The following FRAS1 variants were observed in gnomAD, a reference collection of about 807,000 sequenced individuals.
FRAS1 encodes the protein Fraser extracellular matrix complex subunit 1.
Under a neutral mutation model 435.2 loss-of-function variants are expected in FRAS1, and 290 were observed. That is an observed-to-expected ratio of 0.67 (90% CI 0.61 to 0.73). FRAS1 has a LOEUF of 0.73. Ranked by LOEUF, FRAS1 falls within the 30% of genes least tolerant of loss-of-function variation. The pLI, the probability that FRAS1 is intolerant of heterozygous loss-of-function variation, is 0.00. For missense variants in FRAS1, 4,860 were observed against 5,001.5 expected (o/e 0.97, Z 0.85); for synonymous variants, 1,800 against 1,851.0 (o/e 0.97, Z 0.71).
intron 2 of FRAS1, among the ~76,000 whole-genome samples, chr4:78,198,753 C>G (rs910652920): frequency 6.6e-6 from 1 of 152,120 alleles, no homozygotes; most frequent in Non-Finnish European, 1.5e-5. Context: ...ACTTCCTCAC[C>G]TATTCAACAT....
chr4:78,223,576 T>C (rs1358282892), intron 2 of FRAS1, among the ~76,000 whole-genome samples: 1 of 152,174 alleles, frequency 6.6e-6, no homozygotes, highest in African/African-American at 2.4e-5. Flanking sequence ...GTAGATTATG[T>C]TGGCTTAGTA....
In FRAS1 at chr4:78,373,616, A is replaced by G. The variant is rs182914185; in HGVS notation, c.3011-495A>G. ...AACATGGAGAAACCCCATCTCTACT[A>G]AAAATACAAAATTAGCCGAGCATGG... On this transcript the variant is annotated intron_variant, in intron 24 of 73. Coordinates refer to ENST00000512123, the MANE Select transcript of FRAS1 (RefSeq NM_025074.7). Among the ~76,000 whole-genome samples, 716 of 151,840 alleles carry G rather than the reference A, an allele frequency of 4.7e-3. 7 individuals carry two copies. Among genetic ancestry groups the G allele is most frequent in the African/African-American group, 0.016 (658 of 41,382 alleles).
At chr4:78,266,259 C>A (rs1450934353) in intron 7 of FRAS1, among the ~76,000 whole-genome samples, 1 of 152,192 alleles carries the variant, frequency 6.6e-6, no homozygotes, top group African/African-American at 2.4e-5. Context: ...CATCTTGTCC[C>A]CTCCCATCCC....
intron 32 of FRAS1, among the ~76,000 whole-genome samples, chr4:78,418,002 TCCCCAAC>T (rs1733618902): frequency 6.6e-6 from 1 of 152,212 alleles, no homozygotes; most frequent in African/African-American, 2.4e-5. Flanking sequence ...TTTGCTGCTG[TCCCCAAC>T]CCACCACCAT....
At chr4:78,452,775 G>T (rs1372788893) in intron 47 of FRAS1, among the ~76,000 whole-genome samples, 1 of 152,204 alleles carries the variant, frequency 6.6e-6, no homozygotes, top group Non-Finnish European at 1.5e-5. Flanking sequence ...CTCAGGAAAT[G>T]AAGATGATTG....
intron 57 of FRAS1, among the ~76,000 whole-genome samples, 182 bp downstream of exon 57, chr4:78,482,146 G>A (rs977367661): frequency 3.3e-5 from 5 of 152,150 alleles, no homozygotes; most frequent in Non-Finnish European, 5.9e-5. Context: ...AACTCTCCTA[G>A]TGACATTTTT....
Position 78,338,952 on chromosome 4 carries a change from AG to A in FRAS1, c.2422+1138del, listed in dbSNP as rs370602843. 1.9e-3 allele frequency among the ~76,000 whole-genome samples: 285 copies of A among 152,364 alleles called. 2 individuals are homozygous for A. Among genetic ancestry groups the A allele is most frequent in the African/African-American group, 6.4e-3 (267 of 41,594 alleles). ...CTAAGAAAACCAAACTGTCAAGCAC[AG>A]GGCTGCAGCCCAGAATGCTGGATTC... is the stretch of plus-strand genomic sequence containing the variant. On this transcript the variant is annotated intron_variant, in intron 20 of 73. Coordinates refer to ENST00000512123, the MANE Select transcript of FRAS1 (RefSeq NM_025074.7).
intron 2 of FRAS1, among the ~76,000 whole-genome samples, chr4:78,115,458 C>G (rs1375936880): frequency 1.3e-5 from 2 of 152,108 alleles, no homozygotes; most frequent in African/African-American, 4.8e-5. Flanking sequence ...CCATCTTGTC[C>G]TGGACTTTTT....
intron 3 of FRAS1, among the ~76,000 whole-genome samples, chr4:78,240,920 A>T (rs985138435): frequency 3.3e-5 from 5 of 152,198 alleles, no homozygotes; most frequent in African/African-American, 1.2e-4. Flanking sequence ...GAAGATGCCC[A>T]GAAAGTTTGT....
chr4:78,301,814 T>C (rs1178069825), intron 14 of FRAS1, among the ~76,000 whole-genome samples: 1 of 151,628 alleles, frequency 6.6e-6, no homozygotes, highest in Non-Finnish European at 1.5e-5. Context: ...AGTGATTCTT[T>C]ACTGAAGTTG....
chr4:78,445,790 A>T (rs769911282), intron 42 of FRAS1, 78 bp downstream of exon 42: 3 of 1,489,754 alleles, frequency 2.0e-6, no homozygotes, highest in Non-Finnish European at 2.7e-6. Context: ...CTTTATAGGG[A>T]CTCAAAAGCA....
chr4:78,416,787 G>A (rs529179418), intron 32 of FRAS1, among the ~76,000 whole-genome samples: 1 of 152,250 alleles, frequency 6.6e-6, no homozygotes, highest in South Asian at 2.1e-4. Context: ...CTTGTGAAAG[G>A]ATCACACTGG....
intron 2 of FRAS1, among the ~76,000 whole-genome samples, chr4:78,191,308 A>T (rs1396104409): frequency 1.3e-5 from 2 of 152,152 alleles, no homozygotes; most frequent in Non-Finnish European, 2.9e-5. Context: ...GAATTCTCTT[A>T]AATGTGGTAA....
intron 50 of FRAS1, 125 bp downstream of exon 50, chr4:78,466,560 G>C: frequency 1.5e-6 from 1 of 684,346 alleles, no homozygotes; most frequent in African/African-American, 1.8e-5. Context: ...GATTGACCTT[G>C]GGCAAATTAC....
At position 78,540,849 on chromosome 4, in the gene FRAS1, G is replaced by A. The variant is rs774786437; in HGVS notation, c.11764G>A (p.Val3922Met). 2.5e-6 allele frequency: 4 copies of A among 1,613,936 alleles called. No homozygotes were observed. The highest frequency in any genetic ancestry group is 3.4e-6 in the Non-Finnish European group (4 of 1,179,872). ...CATGCTTCTACTTCTGGTGTTTTTG[G>A]TGGCTTGTTTTATCAACAGGAAATG... is the stretch of plus-strand genomic sequence containing the variant. ...AIMLLLLVFL[V>M]ACFINRKCQK... The change falls in exon 74 of 74, where the codon GTG (valine) becomes ATG (methionine). Residue 3922 changes from valine to methionine, a missense_variant. Val to Met is a conservative substitution (Grantham distance 21). Transcript: ENST00000512123.
At chr4:78,444,654 G>A (rs886546235) in intron 41 of FRAS1, among the ~76,000 whole-genome samples, 2 of 152,174 alleles carry the variant, frequency 1.3e-5, no homozygotes, top group Admixed American at 1.3e-4. Flanking sequence ...AAATCAATCA[G>A]TTAGACTCAA....
rs141580313 is a variant in FRAS1, at chr4:78,393,535, T to C, written c.3975+5834T>C. ...CATATAAGCAAGATCATGTAGTTACTGTCTTTCTGTGTCTGGCTTATTTTG... is the reference window on the plus strand; with the variant it reads ...CATATAAGCAAGATCATGTAGTTACCGTCTTTCTGTGTCTGGCTTATTTTG... On this transcript the variant is annotated intron_variant, in intron 29 of 73. Coordinates refer to ENST00000512123, the MANE Select transcript of FRAS1 (RefSeq NM_025074.7). Among the ~76,000 whole-genome samples the C allele has an allele frequency of 4.1e-3, 631 of 152,258 alleles. 3 individuals are homozygous for C. The highest frequency in any genetic ancestry group is 0.015 in the African/African-American group (622 of 41,566).
At chr4:78,380,573 T>C (rs1731974395) in intron 27 of FRAS1, among the ~76,000 whole-genome samples, 1 of 152,222 alleles carries the variant, frequency 6.6e-6, no homozygotes, top group Non-Finnish European at 1.5e-5. Context: ...AGTTGAATGT[T>C]AACACCAACC....
At chr4:78,102,978 C>T (rs942538361) in intron 2 of FRAS1, among the ~76,000 whole-genome samples, 3 of 152,166 alleles carry the variant, frequency 2.0e-5, no homozygotes, top group Non-Finnish European at 2.9e-5. Flanking sequence ...TCCACCTCTG[C>T]TCATTCTGGA....
Sources: gnomAD v4.1 joint callset for allele counts (sites outside exome capture counted in the v4.1 genomes callset) on GRCh38, gnomAD v4.1.1 for gene constraint, MANE v1.5 for transcripts, NCBI Gene and HGNC (gene_info 2026-07-23, HGNC 2026-07-21) for gene names.